SDK1: variants seen among roughly 807,000 people sequenced by gnomAD.
The protein encoded by SDK1 is protein sidekick-1.
Under a neutral mutation model 245.5 loss-of-function variants are expected in SDK1, and 157 were observed. That is an observed-to-expected ratio of 0.64 (90% CI 0.56 to 0.73). The LOEUF is 0.73. Among genes scored for constraint, SDK1 ranks in the 30% least tolerant of loss-of-function variants. The pLI, the probability that SDK1 is intolerant of heterozygous loss-of-function variation, is 0.00. For missense variants in SDK1, 3,583 were observed against 3,002.3 expected, an observed-to-expected ratio of 1.19 and a Z score of -4.52; for synonymous variants, 1,647 against 1,278.5, an observed-to-expected ratio of 1.29 and a Z score of -6.15.
At chr7:3,890,900 C>G (rs1043042219) in intron 5 of SDK1, among the ~76,000 whole-genome samples, 1 of 152,158 alleles carries the variant, frequency 6.6e-6, no homozygotes, top group Non-Finnish European at 1.5e-5. Flanking sequence ...CGAAAGCACT[C>G]CAGCCTGGGT....
chr7:4,027,867 G>A (rs887517429), intron 17 of SDK1, among the ~76,000 whole-genome samples: 4 of 152,034 alleles, frequency 2.6e-5, no homozygotes, highest in African/African-American at 9.7e-5. Flanking sequence ...AGAGGAGAAG[G>A]GGGAGAAGGG....
chr7:3,552,591 G>A (rs1779453236), intron 1 of SDK1, among the ~76,000 whole-genome samples: 2 of 152,284 alleles, frequency 1.3e-5, no homozygotes, highest in Admixed American at 1.3e-4. Context: ...GTTTTAGAGA[G>A]CCTCACTTCT....
intron 4 of SDK1, among the ~76,000 whole-genome samples, chr7:3,729,917 G>C (rs1440935407): frequency 6.6e-6 from 1 of 151,922 alleles, no homozygotes; most frequent in Non-Finnish European, 1.5e-5. Context: ...TATCTCGCAT[G>C]CAGTGGCTGT....
intron 17 of SDK1, among the ~76,000 whole-genome samples, chr7:4,033,384 T>G (rs892642441): frequency 1.3e-5 from 2 of 152,158 alleles, no homozygotes; most frequent in Admixed American, 6.5e-5. Flanking sequence ...AGTTTTAGTC[T>G]CTCTAACCTG....
chr7:3,824,667 C>T (rs1038618736), intron 5 of SDK1, among the ~76,000 whole-genome samples: 54 of 152,282 alleles, frequency 3.5e-4, no homozygotes, highest in African/African-American at 1.2e-3. Context: ...ACATTTTCAT[C>T]AACAACCTTG....
intron 1 of SDK1, among the ~76,000 whole-genome samples, chr7:3,493,292 C>T (rs1262960332): frequency 6.6e-6 from 1 of 152,182 alleles, no homozygotes; most frequent in Non-Finnish European, 1.5e-5. Context: ...CCATCCATCT[C>T]CCTACCCTTC....
intron 33 of SDK1, among the ~76,000 whole-genome samples, chr7:4,175,120 C>T (rs892630383): frequency 6.6e-6 from 1 of 152,242 alleles, no homozygotes; most frequent in African/African-American, 2.4e-5. Flanking sequence ...TCCACGCACC[C>T]AGTGCGCGGA....
chr7:3,513,168 C>G (rs576542320), intron 1 of SDK1, among the ~76,000 whole-genome samples: 4 of 152,250 alleles, frequency 2.6e-5, no homozygotes, highest in South Asian at 2.1e-4. Flanking sequence ...GTGACAGACA[C>G]TAGATTTAGT....
chr7:4,028,853 C>T (rs957144010), intron 17 of SDK1, among the ~76,000 whole-genome samples: 49 of 152,080 alleles, frequency 3.2e-4, no homozygotes, highest in African/African-American at 1.2e-3. Flanking sequence ...AGCGGAAAAC[C>T]CATTGGAAGA....
chr7:3,600,613 G>A (rs1168235735), intron 1 of SDK1, among the ~76,000 whole-genome samples: 4 of 146,872 alleles, frequency 2.7e-5, no homozygotes, highest in East Asian at 4.0e-4. Flanking sequence ...GGAGTGCAGC[G>A]GCGCAATCTT....
At chr7:3,532,530 C>G (rs1783382377) in intron 1 of SDK1, among the ~76,000 whole-genome samples, 1 of 152,184 alleles carries the variant, frequency 6.6e-6, no homozygotes. Flanking sequence ...CTCAAGCTCA[C>G]ACACACTAAG....
At chr7:4,135,792 G>A (rs557376788) in intron 28 of SDK1, among the ~76,000 whole-genome samples, 16 of 152,160 alleles carry the variant, frequency 1.1e-4, no homozygotes, top group Non-Finnish European at 2.1e-4. Context: ...GTATCAGATC[G>A]AATATTTCAT....
At chr7:4,174,610 C>A (rs1182272846) in intron 33 of SDK1, among the ~76,000 whole-genome samples, 1 of 152,128 alleles carries the variant, frequency 6.6e-6, no homozygotes, top group African/African-American at 2.4e-5. Context: ...AGAGCAGTTG[C>A]CAGGCCTCCA....
At chr7:4,233,188 GCATGGGGCTCGCATCTGGGA>G in intron 40 of SDK1, 47 bp from the exon 41 acceptor site, 1 of 1,502,856 alleles carries the variant, frequency 6.7e-7, no homozygotes. Flanking sequence ...CCAGGCAGGT[GCATGGGGCTCGCATCTGGGA>G]CTTCGCACTT....
At chr7:3,577,057 C>T (rs1411682041) in intron 1 of SDK1, among the ~76,000 whole-genome samples, 1 of 151,966 alleles carries the variant, frequency 6.6e-6, no homozygotes, top group African/African-American at 2.4e-5. Flanking sequence ...GCCCAATCCA[C>T]CTTGCAAAGA....
At chr7:3,802,726 T>C (rs979503988) in intron 4 of SDK1, among the ~76,000 whole-genome samples, 1 of 152,200 alleles carries the variant, frequency 6.6e-6, no homozygotes, top group African/African-American at 2.4e-5. Flanking sequence ...CCTTTTGGGA[T>C]TGGCTTTTCC....
intron 32 of SDK1, 57 bp downstream of exon 32, chr7:4,161,913 A>G (rs1192614507): frequency 2.0e-5 from 29 of 1,480,118 alleles, no homozygotes; most frequent in Middle Eastern, 1.7e-4. Flanking sequence ...TTCCCTGCGC[A>G]TTCAGCCACA....
chr7:3,916,055 C>A lies in SDK1; in HGVS notation c.848-34868C>A, dbSNP rs569906851. ...AGGGCACACCCAGGAAAAAGAAACA[C>A]AAGTCATAGTAGGATCTATGGCCTG... On this transcript the variant is annotated intron_variant, in intron 5 of 44. Coordinates refer to ENST00000404826, the MANE Select transcript of SDK1 (RefSeq NM_152744.4). Among the ~76,000 whole-genome samples, 315 of 152,202 alleles carry A rather than the reference C, an allele frequency of 2.1e-3. 1 individual carries two copies. Among genetic ancestry groups the A allele is most frequent in the Admixed American group, 5.2e-3 (80 of 15,298 alleles).
intron 1 of SDK1, among the ~76,000 whole-genome samples, chr7:3,488,735 G>T (rs2128604444): frequency 6.6e-6 from 1 of 152,186 alleles, no homozygotes; most frequent in South Asian, 2.1e-4. Flanking sequence ...TTGTTAACTG[G>T]GGGCCTCAGT....
Sources: allele counts gnomAD v4.1 joint callset (sites outside exome capture counted in the v4.1 genomes callset), GRCh38; gene constraint gnomAD v4.1.1; transcripts MANE v1.5; gene names NCBI Gene and HGNC (gene_info 2026-07-23, HGNC 2026-07-21).